The following RORA variants were observed in gnomAD, a reference collection of about 807,000 sequenced individuals.
RORA encodes the protein nuclear receptor ROR-alpha.
In RORA, 7 loss-of-function variants were observed where a neutral mutation model predicts 69.5. The ratio of observed to expected loss-of-function variants is 0.10; its 90% CI spans 0.06 to 0.19. RORA has a LOEUF of 0.19. Ranked by LOEUF, RORA falls within the 10% of genes least tolerant of loss-of-function variation. The probability of loss-of-function intolerance (pLI) is 1.00; values close to 1 mark genes in which losing one functional copy is unlikely to be tolerated. For synonymous variants in RORA, 261 were observed against 240.8 expected (o/e 1.08, Z -0.78); for missense variants, 457 against 663.0 (o/e 0.69, Z 3.41).
At chr15:60,892,354 T>G (rs1488876738) in intron 1 of RORA, among the ~76,000 whole-genome samples, 1 of 152,096 alleles carries the variant, frequency 6.6e-6, no homozygotes, top group African/African-American at 2.4e-5. Flanking sequence ...TATTTTTAAC[T>G]TTTTTCCAGG....
chr15:61,005,950 TGTTTGTTTG>T (rs1476210182), intron 1 of RORA, among the ~76,000 whole-genome samples: 1 of 149,068 alleles, frequency 6.7e-6, no homozygotes, highest in East Asian at 2.0e-4. Flanking sequence ...ATATATTTTT[TGTTTGTTTG>T]TTTTGTTTTG....
intron 2 of RORA, among the ~76,000 whole-genome samples, chr15:60,592,017 GT>G (rs1245832183): frequency 6.6e-6 from 1 of 151,966 alleles, no homozygotes; most frequent in Non-Finnish European, 1.5e-5. Flanking sequence ...GGCCGCGGGC[GT>G]CCCCGGCTTC....
intron 1 of RORA, among the ~76,000 whole-genome samples, chr15:60,916,260 C>G (rs1016592515): frequency 3.5e-4 from 53 of 152,308 alleles, no homozygotes; most frequent in African/African-American, 1.2e-3. Flanking sequence ...GTAATCCTCC[C>G]TGCCTTGTAA....
intron 1 of RORA, among the ~76,000 whole-genome samples, chr15:60,909,471 T>C (rs577603221): frequency 6.6e-6 from 1 of 152,260 alleles, no homozygotes; most frequent in East Asian, 1.9e-4. Flanking sequence ...TTCCATCTTC[T>C]CTCAAACATA....
intron 1 of RORA, among the ~76,000 whole-genome samples, chr15:61,082,305 A>G (rs978707634): frequency 6.6e-6 from 1 of 152,216 alleles, no homozygotes; most frequent in African/African-American, 2.4e-5. Context: ...CCTGGCCAAC[A>G]TGGTGAAGCC....
intron 2 of RORA, among the ~76,000 whole-genome samples, chr15:60,611,734 C>T (rs948150829): frequency 1.3e-5 from 2 of 151,964 alleles, no homozygotes; most frequent in African/African-American, 2.4e-5. Flanking sequence ...TGGAGAGACC[C>T]GCCTTTCTGG....
intron 1 of RORA, among the ~76,000 whole-genome samples, chr15:61,118,425 C>T (rs2079069515): frequency 1.3e-5 from 2 of 152,142 alleles, no homozygotes; most frequent in African/African-American, 4.8e-5. Context: ...TCTTTTGCAT[C>T]TCTGGTTATT....
chr15:60,935,122 A>T (rs1345160011), intron 1 of RORA, among the ~76,000 whole-genome samples: 1 of 152,264 alleles, frequency 6.6e-6, no homozygotes, highest in African/African-American at 2.4e-5. Flanking sequence ...GATGCTCACA[A>T]GCATTTACAC....
intron 2 of RORA, among the ~76,000 whole-genome samples, chr15:60,604,510 T>C (rs963946225): frequency 1.3e-5 from 2 of 152,220 alleles, no homozygotes; most frequent in Non-Finnish European, 2.9e-5. Flanking sequence ...CGTCACTCTC[T>C]TTTCAAATCA....
chr15:60,508,440 T>C (rs2065585480), intron 5 of RORA, among the ~76,000 whole-genome samples: 3 of 152,240 alleles, frequency 2.0e-5, no homozygotes, highest in Admixed American at 2.0e-4. Context: ...TTAATAATTA[T>C]GATAGCAGTT....
chr15:60,625,150 G>A (rs2069540849), intron 2 of RORA, among the ~76,000 whole-genome samples: 1 of 152,206 alleles, frequency 6.6e-6, no homozygotes, highest in Non-Finnish European at 1.5e-5. Context: ...GCAAGGGATT[G>A]TGGGTGTGCA....
intron 1 of RORA, among the ~76,000 whole-genome samples, chr15:60,984,801 C>CTTTT (rs3985701): frequency 0.19 from 25,998 of 136,714 alleles, 2,642 homozygotes; most frequent in African/African-American, 0.24. Context: ...CTACATATGT[C>CTTTT]TTTTTTTTTT....
chr15:60,853,378 T>C lies in RORA; in HGVS notation c.167-174692A>G, dbSNP rs113931253. On this transcript the variant is annotated intron_variant, in intron 1 of 10. Transcript: ENST00000335670. The stretch of plus-strand genomic sequence containing the variant: ...ATAAGCTCTCAGCAGAAGACGATAA[T>C]AGAGAAATGGAGTGACTGTAACCTT... 3.6e-3 allele frequency among the ~76,000 whole-genome samples: 553 copies of C among 152,256 alleles called. 6 individuals carry two copies. The highest frequency in any genetic ancestry group is 0.013 in the African/African-American group (528 of 41,546).
At chr15:60,898,877 G>A (rs899465353) in intron 1 of RORA, among the ~76,000 whole-genome samples, 5 of 152,144 alleles carry the variant, frequency 3.3e-5, no homozygotes, top group East Asian at 1.9e-4. Flanking sequence ...TTCAGGAAGC[G>A]GATATGAGGG....
chr15:61,043,075 T>C lies in RORA; in HGVS notation c.166+185978A>G, dbSNP rs542891343. The stretch of plus-strand genomic sequence containing the variant: ...GCGATGATGGTGATGGGAAGACTTC[T>C]AAGAACTTAAAAAGCGTTTTACACA... On this transcript the variant is annotated intron_variant, in intron 1 of 10. Coordinates refer to ENST00000335670, the MANE Select transcript of RORA (RefSeq NM_134261.3). Among the ~76,000 whole-genome samples the C allele has an allele frequency of 8.5e-5, 13 of 152,338 alleles. No individual in the cohort carries two copies. The South Asian group carries it at 2.7e-3, about 32-fold the overall frequency.
At chr15:60,763,096 T>TTA (rs375632043) in intron 1 of RORA, among the ~76,000 whole-genome samples, 6,289 of 109,158 alleles carry the variant, frequency 0.058, 538 homozygotes, top group Admixed American at 0.098. Flanking sequence ...TTTTTTTTTT[T>TTA]AACCAACCTA....
At chr15:61,047,518 A>G (rs187071713) in intron 1 of RORA, among the ~76,000 whole-genome samples, 1 of 152,324 alleles carries the variant, frequency 6.6e-6, no homozygotes, top group East Asian at 1.9e-4. Context: ...ACCTTCTTAA[A>G]AGGGCAAATG....
At chr15:61,116,391 A>G (rs1298356873) in intron 1 of RORA, among the ~76,000 whole-genome samples, 1 of 152,126 alleles carries the variant, frequency 6.6e-6, no homozygotes, top group East Asian at 1.9e-4. Context: ...AGTACAACCT[A>G]TTGCTACCCT....
rs140834334 is a variant in RORA, at chr15:60,978,440, T to C, written c.166+250613A>G. 2.2e-3 allele frequency among the ~76,000 whole-genome samples: 331 copies of C among 152,314 alleles called. 1 individual carries two copies. Among genetic ancestry groups the C allele is most frequent in the African/African-American group, 6.2e-3 (259 of 41,592 alleles). ...TACTAATCTCTTACAAAATATCCTA[T>C]ATACAAATATTTTATCCTATTCTAT... is the stretch of plus-strand genomic sequence containing the variant. On this transcript the variant is annotated intron_variant, in intron 1 of 10. Transcript: ENST00000335670.
Sources: allele counts gnomAD v4.1 joint callset (sites outside exome capture counted in the v4.1 genomes callset), GRCh38; gene constraint gnomAD v4.1.1; transcripts MANE v1.5; gene names NCBI Gene and HGNC (gene_info 2026-07-23, HGNC 2026-07-21).